The following FNDC1 variants were observed in gnomAD, a reference collection of about 807,000 sequenced individuals.
FNDC1 encodes the protein fibronectin type III domain-containing protein 1.
A neutral mutation model predicts 168.0 loss-of-function variants in FNDC1; 96 were observed. The ratio of observed to expected loss-of-function variants is 0.57; its 90% CI spans 0.48 to 0.68. The LOEUF is 0.68. Among genes scored for constraint, FNDC1 ranks in the 30% least tolerant of loss-of-function variants. The pLI is 0.00. For missense variants in FNDC1, 2,587 were observed against 2,482.1 expected (o/e 1.04, Z -0.90); for synonymous variants, 1,099 against 1,025.9 (o/e 1.07, Z -1.36).
At chr6:159,171,763 C>G (rs542211252) in intron 1 of FNDC1, among the ~76,000 whole-genome samples, 1 of 152,322 alleles carries the variant, frequency 6.6e-6, no homozygotes, top group East Asian at 1.9e-4. Flanking sequence ...ATACATTTTT[C>G]TAAACACATG....
intron 5 of FNDC1, among the ~76,000 whole-genome samples, chr6:159,217,515 A>T (rs1782733028): frequency 6.6e-6 from 1 of 151,888 alleles, no homozygotes. Context: ...GATCTGGTGG[A>T]GACATTGGGT....
At chr6:159,228,321 A>G (rs1170076264) in intron 9 of FNDC1, among the ~76,000 whole-genome samples, 2 of 152,252 alleles carry the variant, frequency 1.3e-5, no homozygotes, top group African/African-American at 4.8e-5. Flanking sequence ...TTTTCTATGT[A>G]CAAGAAATAT....
intron 1 of FNDC1, among the ~76,000 whole-genome samples, chr6:159,171,761 T>C (rs1427494055): frequency 6.6e-6 from 1 of 152,242 alleles, no homozygotes; most frequent in Non-Finnish European, 1.5e-5. Context: ...TGATACATTT[T>C]TCTAAACACA....
rs1440179456 is a variant in FNDC1 at position 159,169,815 on chromosome 6, T to A, written c.109+110T>A. On this transcript the variant is annotated intron_variant, in intron 1 of 22. Transcript: ENST00000297267. The surrounding 1 kb of genome is among the most constrained non-coding windows in gnomAD (Gnocchi z 6.8). ...GGCTACGGGTCGTGTCACTAGCCTG[T>A]GCGTCCTCGTCACTCGCGGGTCGGG... 1.6e-5 allele frequency: 5 copies of A among 316,594 alleles called. No homozygotes were observed. The East Asian group carries it at 3.6e-4, about 23-fold the overall frequency. The allele number at this position is 316,594 out of a possible 1,614,324, so 19.6% of individuals were successfully genotyped here. A position where few individuals can be genotyped will look rare whatever the true frequency, so the allele number is the denominator to read the frequency against.
intron 1 of FNDC1, 24 bp from the exon 2 acceptor site, chr6:159,197,407 T>C (rs761954819): frequency 1.9e-6 from 3 of 1,578,584 alleles, no homozygotes; most frequent in Middle Eastern, 1.7e-4. Context: ...TTGCCATGAG[T>C]TGATAGTTGC....
chr6:159,242,082 C>A (rs1039178172), intron 14 of FNDC1, among the ~76,000 whole-genome samples: 1 of 152,110 alleles, frequency 6.6e-6, no homozygotes, highest in Non-Finnish European at 1.5e-5. Flanking sequence ...TGGAGTCAAC[C>A]CAAATGCCCA....
At chr6:159,201,326 A>C (rs145839777) in intron 4 of FNDC1, among the ~76,000 whole-genome samples, 1 of 152,354 alleles carries the variant, frequency 6.6e-6, no homozygotes, top group East Asian at 1.9e-4. Flanking sequence ...TGATGAAACC[A>C]ATGATGATTA....
chr6:159,253,757 A>G (rs1777319027), intron 17 of FNDC1, among the ~76,000 whole-genome samples: 1 of 152,236 alleles, frequency 6.6e-6, no homozygotes. Context: ...GTGCCCAGCA[A>G]GCACCTTATC....
At chr6:159,201,443 G>A (rs1782375180) in intron 4 of FNDC1, among the ~76,000 whole-genome samples, 1 of 152,214 alleles carries the variant, frequency 6.6e-6, no homozygotes, top group African/African-American at 2.4e-5. Flanking sequence ...GGCTTTTGGG[G>A]AGAGACTAAG....
chr6:159,187,563 A>G (rs1782029418), intron 1 of FNDC1, among the ~76,000 whole-genome samples: 1 of 152,312 alleles, frequency 6.6e-6, no homozygotes, highest in Non-Finnish European at 1.5e-5. Flanking sequence ...GGTTCTTTTC[A>G]TACCCAGACT....
chr6:159,260,789 CTT>C (rs1054935816), intron 18 of FNDC1, among the ~76,000 whole-genome samples: 41 of 152,336 alleles, frequency 2.7e-4, no homozygotes, highest in African/African-American at 8.4e-4. Context: ...CCCTCTCTCT[CTT>C]GGGCTGTGGG....
At chr6:159,174,696 T>G (rs1781728824) in intron 1 of FNDC1, among the ~76,000 whole-genome samples, 1 of 152,262 alleles carries the variant, frequency 6.6e-6, no homozygotes, top group Non-Finnish European at 1.5e-5. Context: ...TGTTAGCAAA[T>G]TCAAATAAGC....
chr6:159,232,173 T>A lies in FNDC1; in HGVS notation c.1661T>A (p.Met554Lys). 6.2e-7 allele frequency: 1 copy of A among 1,613,754 alleles called. No individual in the cohort carries two copies. The highest frequency in any genetic ancestry group is 1.1e-5 in the South Asian group (1 of 91,060). The stretch of plus-strand genomic sequence containing the variant: ...CTGGGTTCCCGGGAGGACTCGCCCA[T>A]GTCACCCTCAGACACCCAAGACCAG... ...EELGSREDSPMSPSDTQDQKR... is the reference protein window; with the variant it reads ...EELGSREDSPKSPSDTQDQKR... The change falls in exon 11 of 23, where the codon ATG becomes AAG. Residue 554 changes from methionine (M) to lysine (K), a missense_variant. Transcript: ENST00000297267. This position sits in a 1 kb window ranked among gnomAD's most constrained non-coding sequence, Gnocchi z 4.9.
chr6:159,254,861 CCTT>C (rs1206254066), intron 17 of FNDC1, among the ~76,000 whole-genome samples: 3 of 152,120 alleles, frequency 2.0e-5, no homozygotes, highest in African/African-American at 7.2e-5. Flanking sequence ...CTTCAAGTCT[CCTT>C]CTATCTCACT....
chr6:159,229,557 T>C (rs1783037088), intron 9 of FNDC1, among the ~76,000 whole-genome samples: 1 of 152,232 alleles, frequency 6.6e-6, no homozygotes, highest in Admixed American at 6.5e-5. Context: ...AAGACTGGCC[T>C]CCTGGCTTTC....
At chr6:159,228,683 A>C (rs146520628) in intron 9 of FNDC1, among the ~76,000 whole-genome samples, 47 of 151,532 alleles carry the variant, frequency 3.1e-4, no homozygotes, top group East Asian at 2.9e-3. Flanking sequence ...TTTTCTTTTT[A>C]TTTTATTTTT....
At chr6:159,264,222 A>C (rs1432546861) in intron 19 of FNDC1, among the ~76,000 whole-genome samples, 8 of 152,210 alleles carry the variant, frequency 5.3e-5, no homozygotes, top group Non-Finnish European at 1.2e-4. Context: ...GCTACTGTGC[A>C]ATGCAGCTTT....
chr6:159,245,499 T>C (rs1783522035), intron 14 of FNDC1, among the ~76,000 whole-genome samples: 1 of 152,182 alleles, frequency 6.6e-6, no homozygotes, highest in Non-Finnish European at 1.5e-5. Context: ...TTTTTTTAGC[T>C]ATAAAACCTT....
intron 18 of FNDC1, 116 bp from the exon 19 acceptor site, chr6:159,261,073 TA>T: frequency 4.2e-6 from 3 of 719,650 alleles, no homozygotes; most frequent in South Asian, 1.7e-5. Flanking sequence ...TATGCATTTG[TA>T]AAAAGTAGAA....
Sources: allele counts gnomAD v4.1 joint callset (sites outside exome capture counted in the v4.1 genomes callset), GRCh38; gene constraint gnomAD v4.1.1; non-coding constraint Gnocchi (gnomAD v3.1); transcripts MANE v1.5; gene names NCBI Gene and HGNC (gene_info 2026-07-23, HGNC 2026-07-21).